The following DHX9 variants were observed in gnomAD, a reference collection of about 807,000 sequenced individuals.
The protein encoded by DHX9 is ATP-dependent RNA helicase A.
Under a neutral mutation model 148.7 loss-of-function variants are expected in DHX9, and 27 were observed. The ratio of observed to expected loss-of-function variants is 0.18; its 90% CI spans 0.13 to 0.25. The LOEUF is 0.25. DHX9 is among the 10% of genes least tolerant of loss of function. The pLI, the probability that DHX9 is intolerant of heterozygous loss-of-function variation, is 1.00. For missense variants in DHX9, 796 were observed against 1,559.6 expected (o/e 0.51, Z 8.25); for synonymous variants, 529 against 516.6 (o/e 1.02, Z -0.33).
chr1:182,884,551 A>T (rs1649232693), intron 26 of DHX9, 62 bp from the exon 27 acceptor site: 1 of 1,403,624 alleles, frequency 7.1e-7, no homozygotes. Context: ...TGAAGTTGAG[A>T]GATAATGGTC....
rs1439222699 is a variant in DHX9, at chr1:182,877,490, C to T, written c.2199-531C>T. On this transcript the variant is annotated intron_variant, in intron 19 of 27. Coordinates refer to ENST00000367549, the MANE Select transcript of DHX9 (RefSeq NM_001357.5). ...CCTGACAATGAAAACAATTTGCTGC[C>T]AACATCCATTTTAGGAAATGATGAA... The T allele has an allele frequency of 3.9e-5, 6 of 153,360 alleles. No individual in the cohort carries two copies. The East Asian group carries it at 9.6e-4, about 25-fold the overall frequency. 9.5% of individuals were successfully genotyped at this position (153,360 alleles called of 1,614,324 possible).
At chr1:182,875,956 A>C in intron 16 of DHX9, 94 bp from the exon 17 acceptor site, 1 of 924,356 alleles carries the variant, frequency 1.1e-6, no homozygotes, top group Non-Finnish European at 1.7e-6. Context: ...AAATAATGAC[A>C]TTACAAGTAA....
chr1:182,856,061 T>A (rs1024715185), intron 6 of DHX9, among the ~76,000 whole-genome samples: 14 of 152,214 alleles, frequency 9.2e-5, no homozygotes, highest in African/African-American at 3.4e-4. Context: ...GCACAAAGTG[T>A]ATGTGCATGT....
chr1:182,883,388 G>C lies in DHX9; in HGVS notation c.3144+20G>C, dbSNP rs1649174091. ...GAAAAGGTAAGAAAAGACTAGAAAA[G>C]TTTACATTGAAAGTTGAAATTGTCT... On this transcript the variant is annotated intron_variant, in intron 25 of 27. Transcript: ENST00000367549. 3.1e-6 allele frequency: 5 copies of C among 1,605,248 alleles called. No homozygotes were observed. The highest frequency in any genetic ancestry group is 4.3e-6 in the Non-Finnish European group (5 of 1,172,780).
At chr1:182,851,923 T>C (rs1389576494) in intron 3 of DHX9, among the ~76,000 whole-genome samples, 1 of 152,186 alleles carries the variant, frequency 6.6e-6, no homozygotes, top group African/African-American at 2.4e-5. Context: ...TAGTAAACAC[T>C]ACTAAAAATG....
In DHX9 at chr1:182,887,227, C is replaced by T. The variant is rs766786769; in HGVS notation, c.3606C>T (p.Ser1202=). The T allele has an allele frequency of 2.4e-5, 38 of 1,613,978 alleles. No individual in the cohort carries two copies. Among genetic ancestry groups the T allele is most frequent in the Non-Finnish European group, 3.1e-5 (37 of 1,180,052 alleles). Residue 1202 remains serine (S), a synonymous_variant, in exon 28 of 28, where the codon AGC becomes AGT. Transcript: ENST00000367549. ...ATGGTAGCGGAGGCTATGGTGGCAG[C>T]GCCAACTCCTTTCGGGCAGGATATG... ...GGYGSGGYGG[S]ANSFRAGYGA...
At chr1:182,862,357 G>A (rs193069711) in intron 12 of DHX9, among the ~76,000 whole-genome samples, 80 of 152,164 alleles carry the variant, frequency 5.3e-4, no homozygotes, top group Middle Eastern at 3.4e-3. Context: ...TTTATCCTTC[G>A]GTCTATCCAT....
At chr1:182,880,682 G>C in intron 22 of DHX9, 74 bp downstream of exon 22, 1 of 1,013,426 alleles carries the variant, frequency 9.9e-7, no homozygotes, top group Non-Finnish European at 1.5e-6. Context: ...TGTAAAAGCA[G>C]TATTGGCTCA....
At chr1:182,851,171 T>C (rs1668138590) in intron 3 of DHX9, among the ~76,000 whole-genome samples, 2 of 151,908 alleles carry the variant, frequency 1.3e-5, no homozygotes, top group Admixed American at 6.6e-5. Context: ...AGGTATAAGC[T>C]CTCTAGAAGA....
In DHX9 at chr1:182,850,060, GTCTTCTCTGGCACTGGATTCTCTAATTA is replaced by G. The variant is rs1193527188; in HGVS notation, c.253-2168_253-2141del. Among the ~76,000 whole-genome samples, 3 of 136,070 alleles carry G rather than the reference GTCTTCTCTGGCACTGGATTCTCTAATTA, an allele frequency of 2.2e-5. No individual in the cohort carries two copies. In the East Asian group the frequency reaches 6.7e-4, roughly 30 times the overall value. 89.3% of individuals were successfully genotyped at this position (136,070 alleles called of 152,430 possible). On this transcript the variant is annotated intron_variant, in intron 3 of 27. Transcript: ENST00000367549. Reference sequence around the variant, plus strand: ...TCCTCCAACCCATCAAAATTTTTCTGTCTTCTCTGGCACTGGATTCTCTAATTATCTTTCTGTCTCTGACTGCTCCTTA... The same window carrying G: ...TCCTCCAACCCATCAAAATTTTTCTGTCTTTCTGTCTCTGACTGCTCCTTA...
At chr1:182,858,330 G>T in intron 8 of DHX9, 90 bp downstream of exon 8, 1 of 1,445,964 alleles carries the variant, frequency 6.9e-7, no homozygotes, top group Non-Finnish European at 9.4e-7. Flanking sequence ...TTAATTTTAA[G>T]AATCTTACCT....
chr1:182,874,654 C>T (rs1245696085), intron 15 of DHX9, among the ~76,000 whole-genome samples, 200 bp from the exon 16 acceptor site: 1 of 152,170 alleles, frequency 6.6e-6, no homozygotes, highest in Non-Finnish European at 1.5e-5. Context: ...ACACCTCACC[C>T]TCCTTCAAGG....
chr1:182,844,708 A>G (rs1320856123), intron 3 of DHX9, among the ~76,000 whole-genome samples: 1 of 152,012 alleles, frequency 6.6e-6, no homozygotes, highest in East Asian at 1.9e-4. Flanking sequence ...TAAATTTTGT[A>G]TTTTTAGTAG....
chr1:182,856,532 G>A lies in DHX9; in HGVS notation c.627G>A (p.Arg209=). ...KYTQVGPDHN[R]SFIAEMTIYI... ...ACCTTGCTTGTATATGTTGTTACAG[G>A]AGCTTTATTGCAGAAATGACCATTT... The change falls in exon 7 of 28, where the codon AGG becomes AGA. Residue 209 remains arginine, a splice_region_variant and synonymous_variant. Coordinates refer to ENST00000367549, the MANE Select transcript of DHX9 (RefSeq NM_001357.5). 1 of 1,613,738 alleles carries A rather than the reference G, an allele frequency of 6.2e-7. No individual in the cohort carries two copies. The highest frequency in any genetic ancestry group is 8.5e-7 in the Non-Finnish European group (1 of 1,179,790).
At chr1:182,855,731 A>G (rs1266030893) in intron 6 of DHX9, 5 of 985,472 alleles carry the variant, frequency 5.1e-6, no homozygotes, top group Non-Finnish European at 4.8e-6. Flanking sequence ...CACACGAGGT[A>G]TAGGAAGGAG....
intron 14 of DHX9, among the ~76,000 whole-genome samples, chr1:182,868,490 C>T (rs1238650564): frequency 6.9e-6 from 1 of 145,898 alleles, no homozygotes; most frequent in Non-Finnish European, 1.5e-5. Flanking sequence ...GATTTTAGAT[C>T]TCATGATAAT....
intron 4 of DHX9, among the ~76,000 whole-genome samples, chr1:182,852,991 A>G (rs552235781): frequency 3.0e-5 from 3 of 100,386 alleles, no homozygotes; most frequent in African/African-American, 9.5e-5. Flanking sequence ...CAGTGGTGCA[A>G]TCTTGGCTCA....
Position 182,876,435 on chromosome 1 carries a change from ATTG to A in DHX9, c.2030-9_2030-7del. 6.2e-7 allele frequency: 1 copy of A among 1,610,566 alleles called. No individual in the cohort carries two copies. Among genetic ancestry groups the A allele is most frequent in the Non-Finnish European group, 8.5e-7 (1 of 1,177,080 alleles). ...TGTTTTTAGTCCCTGATTGTTCTTT[ATTG>A]TTATATAGGAAGCCATCGGTATCAG... On this transcript the variant is annotated splice_polypyrimidine_tract_variant and intron_variant, in intron 17 of 27. Coordinates refer to ENST00000367549, the MANE Select transcript of DHX9 (RefSeq NM_001357.5).
chr1:182,845,607 A>T (rs1668014381), intron 3 of DHX9, among the ~76,000 whole-genome samples: 4 of 152,114 alleles, frequency 2.6e-5, no homozygotes, highest in Admixed American at 2.0e-4. Context: ...CTACCTGGAG[A>T]TAGCGTCAGA....
Sources: gnomAD v4.1 joint callset for allele counts (sites outside exome capture counted in the v4.1 genomes callset) on GRCh38, gnomAD v4.1.1 for gene constraint, MANE v1.5 for transcripts, NCBI Gene and HGNC (gene_info 2026-07-23, HGNC 2026-07-21) for gene names.